The following PALLD variants were observed in gnomAD, a reference collection of about 807,000 sequenced individuals.
The protein encoded by PALLD is palladin, cytoskeletal associated protein, also known as palladin.
Under a neutral mutation model 123.5 loss-of-function variants are expected in PALLD, and 61 were observed. That is an observed-to-expected ratio of 0.49 (90% CI 0.40 to 0.61). The LOEUF (loss-of-function observed/expected upper bound fraction) is 0.61, where lower values mean the gene tolerates loss of function less well. Ranked by LOEUF, PALLD falls within the 20% of genes least tolerant of loss-of-function variation. The pLI is 0.00. For synonymous variants in PALLD, 465 were observed against 496.4 expected (o/e 0.94, Z 0.84); for missense variants, 1,273 against 1,377.0 (o/e 0.92, Z 1.20).
chr4:168,614,607 C>T (rs1384045029), intron 2 of PALLD, among the ~76,000 whole-genome samples: 1 of 152,118 alleles, frequency 6.6e-6, no homozygotes, highest in Non-Finnish European at 1.5e-5. Flanking sequence ...TTTGCCTTTG[C>T]TTTTGCATAG....
chr4:168,578,000 C>T (rs1476164127), intron 2 of PALLD, among the ~76,000 whole-genome samples: 8 of 151,950 alleles, frequency 5.3e-5, no homozygotes, highest in Admixed American at 5.2e-4. Context: ...TTACAAAGAC[C>T]CATACTACTT....
intron 10 of PALLD, among the ~76,000 whole-genome samples, chr4:168,890,193 G>A (rs1753958577): frequency 6.6e-6 from 1 of 152,118 alleles, no homozygotes; most frequent in African/African-American, 2.4e-5. Context: ...ACACAGCTCA[G>A]GTCATTGTTG....
chr4:168,538,123 A>C (rs1007951653), intron 2 of PALLD, among the ~76,000 whole-genome samples: 1 of 152,236 alleles, frequency 6.6e-6, no homozygotes, highest in Admixed American at 6.5e-5. Context: ...GTATATACTG[A>C]AGTATTTGCT....
At chr4:168,520,543 T>C (rs1276288141) in intron 2 of PALLD, among the ~76,000 whole-genome samples, 1 of 152,148 alleles carries the variant, frequency 6.6e-6, no homozygotes, top group Non-Finnish European at 1.5e-5. Flanking sequence ...TAATTTTCAC[T>C]CTGAAAACTA....
Position 168,924,941 on chromosome 4 carries a change from C to T in PALLD, c.3225-4C>T, listed in dbSNP as rs1203270376. 6.2e-7 allele frequency: 1 copy of T among 1,614,056 alleles called. No individual in the cohort carries two copies. On this transcript the variant is annotated splice_polypyrimidine_tract_variant and splice_region_variant and intron_variant, in intron 19 of 21. Transcript: ENST00000505667. ...AACCCTAATGACTTTATCCTTTTCTCCAGCATGCACCAGGACAACCACGGC... is the reference window on the plus strand; with the variant it reads ...AACCCTAATGACTTTATCCTTTTCTTCAGCATGCACCAGGACAACCACGGC...
At chr4:168,611,084 G>T (rs888199321) in intron 2 of PALLD, among the ~76,000 whole-genome samples, 1 of 152,188 alleles carries the variant, frequency 6.6e-6, no homozygotes, top group Non-Finnish European at 1.5e-5. Context: ...TTACATACCA[G>T]GAGGCTCTGA....
At chr4:168,631,963 C>T in intron 2 of PALLD, 2 of 932,272 alleles carry the variant, frequency 2.1e-6, no homozygotes, top group Non-Finnish European at 2.6e-6. Context: ...CCTTTCCAGG[C>T]AGTGGCATGC....
At chr4:168,596,672 T>C (rs955743622) in intron 2 of PALLD, among the ~76,000 whole-genome samples, 2 of 150,114 alleles carry the variant, frequency 1.3e-5, no homozygotes, top group African/African-American at 4.9e-5. Flanking sequence ...ATAGATTGGG[T>C]CCTATAGATT....
intron 10 of PALLD, among the ~76,000 whole-genome samples, chr4:168,761,641 GTTTGTTT>G (rs1732859970): frequency 7.7e-4 from 9 of 11,636 alleles, no homozygotes; most frequent in African/African-American, 1.9e-3. Flanking sequence ...TGTTGTTGTT[GTTTGTTT>G]TTTTTTTTTT....
At chr4:168,591,624 T>A (rs1196890877) in intron 2 of PALLD, among the ~76,000 whole-genome samples, 1 of 152,192 alleles carries the variant, frequency 6.6e-6, no homozygotes, top group African/African-American at 2.4e-5. Context: ...ACTCACTCAA[T>A]AACATCAACT....
At chr4:168,690,844 T>C in intron 7 of PALLD, 100 bp downstream of exon 7, 1 of 1,234,590 alleles carries the variant, frequency 8.1e-7, no homozygotes, top group Non-Finnish European at 1.2e-6. Flanking sequence ...TTGATCTCTA[T>C]GTTCAAAGAG....
chr4:168,753,776 A>C (rs1027960660), intron 10 of PALLD, among the ~76,000 whole-genome samples: 7 of 152,164 alleles, frequency 4.6e-5, no homozygotes, highest in Non-Finnish European at 7.3e-5. Flanking sequence ...CACCTTGGCA[A>C]TGGATCCTTC....
chr4:168,834,284 C>T (rs943768842), intron 10 of PALLD, among the ~76,000 whole-genome samples: 16 of 151,998 alleles, frequency 1.1e-4, no homozygotes, highest in African/African-American at 3.4e-4. Context: ...GGTAGCTCAC[C>T]TGCTTTAAAT....
At chr4:168,855,825 G>C (rs1208841942) in intron 10 of PALLD, among the ~76,000 whole-genome samples, 1 of 152,206 alleles carries the variant, frequency 6.6e-6, no homozygotes, top group Non-Finnish European at 1.5e-5. Context: ...CATCTTCACA[G>C]TCTAGGAGGG....
chr4:168,796,563 A>G (rs1738538683), intron 10 of PALLD, among the ~76,000 whole-genome samples: 1 of 152,200 alleles, frequency 6.6e-6, no homozygotes. Context: ...CAGGATCTGA[A>G]CCATAGCCTA....
chr4:168,775,747 G>T (rs1349898615), intron 10 of PALLD, among the ~76,000 whole-genome samples: 6 of 151,894 alleles, frequency 4.0e-5, no homozygotes, highest in African/African-American at 1.5e-4. Context: ...TTTTTTATTT[G>T]TTTGCATATG....
chr4:168,770,356 T>A (rs1734226922), intron 10 of PALLD, among the ~76,000 whole-genome samples: 1 of 152,200 alleles, frequency 6.6e-6, no homozygotes. Context: ...GCCCTGAGAA[T>A]AGCTGGGCTA....
chr4:168,584,075 A>G (rs1194456045), intron 2 of PALLD, among the ~76,000 whole-genome samples: 1 of 152,210 alleles, frequency 6.6e-6, no homozygotes, highest in African/African-American at 2.4e-5. Flanking sequence ...CAAAGAAGGA[A>G]CCAAATAAAT....
At chr4:168,594,905 T>A (rs114240619) in intron 2 of PALLD, among the ~76,000 whole-genome samples, 87 of 152,302 alleles carry the variant, frequency 5.7e-4, no homozygotes, top group African/African-American at 2.0e-3. Flanking sequence ...AGAGTTGCTA[T>A]GGAAACTTTG....
Sources: gnomAD v4.1 joint callset for allele counts (sites outside exome capture counted in the v4.1 genomes callset) on GRCh38, gnomAD v4.1.1 for gene constraint, MANE v1.5 for transcripts, NCBI Gene and HGNC (gene_info 2026-07-23, HGNC 2026-07-21) for gene names.